The following CDKAL1 variants were observed in gnomAD, a reference collection of about 807,000 sequenced individuals.
The protein encoded by CDKAL1 is threonylcarbamoyladenosine tRNA methylthiotransferase.
A neutral mutation model predicts 68.2 loss-of-function variants in CDKAL1; 32 were observed. That is an observed-to-expected ratio of 0.47 (90% confidence interval 0.35 to 0.63). CDKAL1 has a LOEUF of 0.63. Ranked by LOEUF, CDKAL1 falls within the 30% of genes least tolerant of loss-of-function variation. The pLI, the probability that CDKAL1 is intolerant of heterozygous loss-of-function variation, is 0.00. For missense variants in CDKAL1, 606 were observed against 696.7 expected (o/e 0.87, Z 1.47); for synonymous variants, 234 against 244.3 (o/e 0.96, Z 0.39).
intron 13 of CDKAL1, among the ~76,000 whole-genome samples, chr6:21,139,505 C>T (rs1419295026): frequency 6.6e-6 from 1 of 152,038 alleles, no homozygotes; most frequent in Non-Finnish European, 1.5e-5. Flanking sequence ...TTTACTGTGC[C>T]TTTCCTTTCT....
intron 11 of CDKAL1, among the ~76,000 whole-genome samples, chr6:21,013,863 AAGAT>A (rs1768154328): frequency 6.6e-6 from 1 of 152,230 alleles, no homozygotes; most frequent in Admixed American, 6.5e-5. Flanking sequence ...TGTCTCAGAC[AAGAT>A]AGATAGATAT....
chr6:20,622,882 G>A (rs188816453), intron 4 of CDKAL1, among the ~76,000 whole-genome samples: 14 of 151,982 alleles, frequency 9.2e-5, no homozygotes, highest in Admixed American at 3.3e-4. Context: ...TATAGATGAA[G>A]GAGCTTAATT....
chr6:21,167,478 T>C (rs1777199056), intron 13 of CDKAL1, among the ~76,000 whole-genome samples: 1 of 152,212 alleles, frequency 6.6e-6, no homozygotes, highest in African/African-American at 2.4e-5. Flanking sequence ...TATCCAACAA[T>C]AGCCACTTAA....
intron 10 of CDKAL1, chr6:20,993,663 A>G (rs1032952956): frequency 4.6e-5 from 7 of 152,226 alleles, no homozygotes; most frequent in Non-Finnish European, 1.0e-4. Flanking sequence ...TAAAAATGAA[A>G]TTTAGCAGTT....
intron 4 of CDKAL1, among the ~76,000 whole-genome samples, chr6:20,637,759 T>C (rs1432491442): frequency 1.3e-5 from 2 of 152,234 alleles, no homozygotes; most frequent in Non-Finnish European, 2.9e-5. Flanking sequence ...CCCCAGCATA[T>C]AGCCACTGCT....
At chr6:20,756,712 A>C (rs1433309432) in intron 6 of CDKAL1, 1 of 152,224 alleles carries the variant, frequency 6.6e-6, no homozygotes. Flanking sequence ...GAGTGGTCAG[A>C]CGTAGAATGG....
chr6:21,135,299 T>G (rs1231599266), intron 13 of CDKAL1, among the ~76,000 whole-genome samples: 1 of 152,202 alleles, frequency 6.6e-6, no homozygotes, highest in Non-Finnish European at 1.5e-5. Flanking sequence ...ATCCCTGCCC[T>G]TAGTTTTAGT....
chr6:20,942,029 T>C (rs1259528018), intron 9 of CDKAL1, among the ~76,000 whole-genome samples: 4 of 152,200 alleles, frequency 2.6e-5, no homozygotes, highest in East Asian at 1.9e-4. Context: ...TAATGATCAT[T>C]GTACTTAATT....
intron 8 of CDKAL1, among the ~76,000 whole-genome samples, chr6:20,785,051 G>A (rs1191123068): frequency 6.6e-6 from 1 of 151,990 alleles, no homozygotes; most frequent in Non-Finnish European, 1.5e-5. Context: ...AAGCTCACTG[G>A]ATTTGGCATC....
chr6:21,136,932 T>C (rs1386369267), intron 13 of CDKAL1, among the ~76,000 whole-genome samples: 1 of 152,204 alleles, frequency 6.6e-6, no homozygotes, highest in African/African-American at 2.4e-5. Context: ...CTGTCTCTCC[T>C]ATACTGCAAT....
At chr6:20,962,045 C>A (rs1234233754) in intron 10 of CDKAL1, among the ~76,000 whole-genome samples, 5 of 152,236 alleles carry the variant, frequency 3.3e-5, no homozygotes, top group Non-Finnish European at 7.3e-5. Context: ...TTACTTACAA[C>A]CTGCGCCAGA....
intron 13 of CDKAL1, among the ~76,000 whole-genome samples, chr6:21,176,683 TTTTTTTTTTTTTG>T (rs1164477777): frequency 4.8e-5 from 6 of 124,370 alleles, no homozygotes; most frequent in Non-Finnish European, 1.0e-4. Context: ...TGGATGTTGG[TTTTTTTTTTTTTG>T]TTTTTTTTTT....
chr6:21,117,770 C>A (rs1310570839), intron 13 of CDKAL1, among the ~76,000 whole-genome samples: 2 of 152,154 alleles, frequency 1.3e-5, no homozygotes, highest in Non-Finnish European at 2.9e-5. Flanking sequence ...AACAACAGCA[C>A]CCACAATGGA....
intron 10 of CDKAL1, among the ~76,000 whole-genome samples, chr6:20,960,313 G>A (rs1489205456): frequency 2.0e-5 from 3 of 152,128 alleles, no homozygotes; most frequent in Non-Finnish European, 4.4e-5. Context: ...GAGAAGCCAT[G>A]GGTTCGAAAG....
intron 4 of CDKAL1, among the ~76,000 whole-genome samples, chr6:20,613,924 A>G (rs867304184): frequency 1.3e-5 from 2 of 152,170 alleles, no homozygotes; most frequent in South Asian, 4.1e-4. Flanking sequence ...TGCTCCCATC[A>G]ACAACATATA....
chr6:20,674,740 C>T (rs1486057016), intron 5 of CDKAL1, among the ~76,000 whole-genome samples: 1 of 152,168 alleles, frequency 6.6e-6, no homozygotes, highest in Non-Finnish European at 1.5e-5. Context: ...TCCTTCCTAG[C>T]CTCTGGTAAC....
intron 4 of CDKAL1, among the ~76,000 whole-genome samples, chr6:20,609,257 CT>C (rs1403470945): frequency 2.2e-4 from 17 of 76,244 alleles, no homozygotes; most frequent in South Asian, 8.7e-4. Context: ...CTTCTTCCTC[CT>C]TCCTTCCTCC....
At chr6:20,939,405 T>C (rs556504328) in intron 9 of CDKAL1, among the ~76,000 whole-genome samples, 1 of 152,296 alleles carries the variant, frequency 6.6e-6, no homozygotes, top group South Asian at 2.1e-4. Context: ...ACTGGGGAGT[T>C]AGAGAATACA....
intron 7 of CDKAL1, among the ~76,000 whole-genome samples, chr6:20,766,005 C>T (rs966738490): frequency 1.3e-5 from 2 of 152,140 alleles, no homozygotes; most frequent in Admixed American, 6.5e-5. Context: ...AGTAACTTTA[C>T]ATTTATCAAG....
Sources: gnomAD v4.1 joint callset for allele counts (sites outside exome capture counted in the v4.1 genomes callset) on GRCh38, gnomAD v4.1.1 for gene constraint, MANE v1.5 for transcripts, NCBI Gene and HGNC (gene_info 2026-07-23, HGNC 2026-07-21) for gene names.